The following SHISA9 variants were observed in gnomAD, a reference collection of about 807,000 sequenced individuals.
SHISA9 encodes shisa family member 9.
In SHISA9, 13 loss-of-function variants were observed where a neutral mutation model predicts 38.0. That is an observed-to-expected ratio of 0.34 (90% CI 0.22 to 0.54). The LOEUF (loss-of-function observed/expected upper bound fraction) is 0.54. Ranked by LOEUF, SHISA9 falls within the 20% of genes least tolerant of loss-of-function variation. The pLI is 0.91. For synonymous variants in SHISA9, 275 were observed against 242.0 expected (o/e 1.14, Z -1.27); for missense variants, 538 against 575.8 (o/e 0.93, Z 0.67).
At chr16:13,556,884 T>G in the SHISA9 span, among the ~76,000 whole-genome samples, 1 of 152,154 alleles carries the variant, frequency 6.6e-6, no homozygotes, top group South Asian at 2.1e-4. Flanking sequence ...AATCTAGAGA[T>G]GATTTAAAGT....
At chr16:13,025,962 T>C (rs977814706) in intron 2 of SHISA9, among the ~76,000 whole-genome samples, 3 of 152,050 alleles carry the variant, frequency 2.0e-5, no homozygotes, top group South Asian at 2.1e-4. Flanking sequence ...TGCACCACCA[T>C]GCCCAGCTAA....
intron 2 of SHISA9, among the ~76,000 whole-genome samples, chr16:12,990,307 G>T (rs1317086538): frequency 6.6e-6 from 1 of 152,252 alleles, no homozygotes; most frequent in Non-Finnish European, 1.5e-5. Context: ...CCAGTAACAG[G>T]ATTGCTGGGC....
At chr16:13,109,097 G>A (rs2073953395) in intron 2 of SHISA9, among the ~76,000 whole-genome samples, 1 of 152,090 alleles carries the variant, frequency 6.6e-6, no homozygotes, top group African/African-American at 2.4e-5. Context: ...ACTGAGTGTT[G>A]CAGGCATCAG....
chr16:13,201,739 A>G (rs2051008134), intron 2 of SHISA9, among the ~76,000 whole-genome samples: 1 of 128,502 alleles, frequency 7.8e-6, no homozygotes, highest in Non-Finnish European at 1.7e-5. Flanking sequence ...TGGTCTTTGG[A>G]CTTCAGTGTC....
Position 12,902,346 on chromosome 16 carries a change from C to G in SHISA9, c.282C>G (p.Asp94Glu), listed in dbSNP as rs779627899. 138 of 1,551,384 alleles carry G rather than the reference C, an allele frequency of 8.9e-5. No homozygotes were observed. Among genetic ancestry groups the G allele is most frequent in the Non-Finnish European group, 1.2e-4 (135 of 1,147,014 alleles). The change falls in exon 1 of 5, where the codon GAC becomes GAG. Residue 94 changes from aspartate to glutamate, a missense_variant. By Grantham distance (45) the Asp-to-Glu change is conservative (BLOSUM62 2). Coordinates refer to ENST00000558583, the MANE Select transcript of SHISA9 (RefSeq NM_001145204.3). ...WDPPFNCSSG[D>E]FIFCCGTCGF... ...CGCCGTTCAACTGCAGCTCGGGCGACTTCATCTTCTGCTGCGGGACTTGTG... is the reference window on the plus strand; with the variant it reads ...CGCCGTTCAACTGCAGCTCGGGCGAGTTCATCTTCTGCTGCGGGACTTGTG...
chr16:13,243,865 C>T (rs1312907514), downstream of SHISA9, among the ~76,000 whole-genome samples: 1 of 151,148 alleles, frequency 6.6e-6, no homozygotes, highest in Non-Finnish European at 1.5e-5. Context: ...CTCTGCCTCC[C>T]AGGTTCATGT....
the SHISA9 span, among the ~76,000 whole-genome samples, chr16:13,354,057 T>C: frequency 0.79 from 113,741 of 143,488 alleles, 45,393 homozygotes; most frequent in East Asian, 0.96. Context: ...ATTTTAGTTA[T>C]CTGACTCAGG....
chr16:13,302,202 C>T, the SHISA9 span, among the ~76,000 whole-genome samples: 3 of 152,108 alleles, frequency 2.0e-5, no homozygotes, highest in Non-Finnish European at 4.4e-5. Context: ...TTTATACAAC[C>T]TCTTGTTTGT....
At chr16:13,015,956 C>CTTCCCTTCCT (rs771738985) in intron 2 of SHISA9, among the ~76,000 whole-genome samples, 4 of 23,040 alleles carry the variant, frequency 1.7e-4, no homozygotes, top group Admixed American at 3.1e-4. Flanking sequence ...TCTCTTTTCC[C>CTTCCCTTCCT]TTCCCTTCCC....
the SHISA9 span, among the ~76,000 whole-genome samples, chr16:13,372,996 T>C: frequency 2.0e-5 from 3 of 152,160 alleles, no homozygotes; most frequent in Non-Finnish European, 2.9e-5. Flanking sequence ...AATAGTAAGT[T>C]TTTTTCATCC....
chr16:13,355,204 A>G, the SHISA9 span, among the ~76,000 whole-genome samples: 6 of 149,736 alleles, frequency 4.0e-5, no homozygotes, highest in Non-Finnish European at 8.9e-5. Flanking sequence ...TAGGACAGGT[A>G]AAATGGGGGA....
At chr16:13,132,162 C>A (rs1241217410) in intron 2 of SHISA9, among the ~76,000 whole-genome samples, 3 of 152,136 alleles carry the variant, frequency 2.0e-5, no homozygotes, top group Non-Finnish European at 4.4e-5. Context: ...TGGAGGCAGA[C>A]AATCGAGGTG....
the SHISA9 span, among the ~76,000 whole-genome samples, chr16:13,438,057 G>C: frequency 6.6e-6 from 1 of 151,950 alleles, no homozygotes; most frequent in Non-Finnish European, 1.5e-5. Flanking sequence ...GTAGAGATGA[G>C]GTTTCACCAT....
chr16:13,032,103 C>G (rs1478894996), intron 2 of SHISA9, among the ~76,000 whole-genome samples: 1 of 151,876 alleles, frequency 6.6e-6, no homozygotes, highest in Non-Finnish European at 1.5e-5. Context: ...GTTTGCTGTA[C>G]CTATCAACCT....
Position 13,114,992 on chromosome 16 carries a change from A to C in SHISA9, c.692-88402A>C, listed in dbSNP as rs531040189. ...TATATATGTATCTATCTATCTATCG[A>C]TCATCTATCTATCATGATTATCTAT... On this transcript the variant is annotated intron_variant, in intron 2 of 4. Transcript: ENST00000558583. 5.8e-4 allele frequency among the ~76,000 whole-genome samples: 75 copies of C among 128,728 alleles called. 1 individual carries two copies. Among genetic ancestry groups the C allele is most frequent in the East Asian group, 2.8e-3 (13 of 4,696 alleles). The allele number at this position is 128,728 out of a possible 152,430, so 84.5% of individuals were successfully genotyped here. A position where few individuals can be genotyped will look rare whatever the true frequency, so the allele number is the denominator to read the frequency against.
At chr16:13,193,965 G>A (rs982958452) in intron 2 of SHISA9, among the ~76,000 whole-genome samples, 7 of 152,162 alleles carry the variant, frequency 4.6e-5, no homozygotes, top group African/African-American at 1.7e-4. Flanking sequence ...AGCAGGACAA[G>A]AGACTCCTGC....
intron 2 of SHISA9, among the ~76,000 whole-genome samples, chr16:12,967,764 C>G (rs1302547287): frequency 6.6e-6 from 1 of 151,914 alleles, no homozygotes; most frequent in Non-Finnish European, 1.5e-5. Flanking sequence ...TATTGTTGAT[C>G]CTGGGCACAG....
chr16:13,018,513 A>G (rs2072784129), intron 2 of SHISA9, among the ~76,000 whole-genome samples: 1 of 152,176 alleles, frequency 6.6e-6, no homozygotes, highest in South Asian at 2.1e-4. Flanking sequence ...ACTTTGAGCA[A>G]GATGTGGGAA....
the SHISA9 span, among the ~76,000 whole-genome samples, chr16:13,246,551 A>G: frequency 6.6e-6 from 1 of 152,228 alleles, no homozygotes; most frequent in Admixed American, 6.5e-5. Context: ...TTCTTTGATT[A>G]CCAATTATTG....
Sources: allele counts gnomAD v4.1 joint callset (sites outside exome capture counted in the v4.1 genomes callset), GRCh38; gene constraint gnomAD v4.1.1; transcripts MANE v1.5; gene names NCBI Gene and HGNC (gene_info 2026-07-23, HGNC 2026-07-21).